The following NAV1 variants were observed in gnomAD, a reference collection of about 807,000 sequenced individuals.
NAV1 encodes neuron navigator 1.
In NAV1, 18 loss-of-function variants were observed where a neutral mutation model predicts 175.2. The ratio of observed to expected loss-of-function variants is 0.10; its 90% CI spans 0.07 to 0.15. The LOEUF is 0.15. Among genes scored for constraint, NAV1 ranks in the 10% least tolerant of loss-of-function variants. NAV1 has a pLI of 1.00. For synonymous variants in NAV1, 897 were observed against 978.7 expected, an observed-to-expected ratio of 0.92 and a Z score of 1.56; for missense variants, 1,731 against 2,436.6, an observed-to-expected ratio of 0.71 and a Z score of 6.10.
intron 1 of NAV1, among the ~76,000 whole-genome samples, chr1:201,675,840 C>T (rs1460338544): frequency 2.0e-5 from 3 of 152,310 alleles, no homozygotes; most frequent in Admixed American, 1.3e-4. Flanking sequence ...GGATGGCAGA[C>T]GGGGAGCCTC....
At chr1:201,745,932 A>G (rs1200883664) in intron 3 of NAV1, among the ~76,000 whole-genome samples, 1 of 151,960 alleles carries the variant, frequency 6.6e-6, no homozygotes, top group African/African-American at 2.4e-5. Flanking sequence ...TCCCAGCCTC[A>G]AGCAATCCTC....
rs1188083696 is a variant in NAV1 at position 201,783,623 on chromosome 1, G to A, written c.2575G>A (p.Gly859Ser). Residue 859 changes from glycine (G) to serine (S), a missense_variant, in exon 7 of 30, where the codon GGC becomes AGC. This residue lies in a region of NAV1 where 634 missense variants were observed against 766.8 expected (regional missense o/e 0.83). Coordinates refer to ENST00000367296, the Ensembl canonical transcript of NAV1. ...TATTAACTCAGCCAGCTTCTCCCAG[G>A]GCCTGGAGCTAATGAGTGGTTTCAG... 13 of 1,613,976 alleles carry A rather than the reference G, an allele frequency of 8.1e-6. No homozygotes were observed. The Admixed American group carries it at 8.3e-5, about 10-fold the overall frequency.
intron 3 of NAV1, among the ~76,000 whole-genome samples, chr1:201,769,013 C>T (rs1287264941): frequency 6.6e-6 from 1 of 152,172 alleles, no homozygotes; most frequent in Non-Finnish European, 1.5e-5. Flanking sequence ...TAAGGTTAGC[C>T]TCTTCAAGAG....
At chr1:201,561,391 G>A (rs1211596259) in intron 1 of NAV1, among the ~76,000 whole-genome samples, 1 of 152,216 alleles carries the variant, frequency 6.6e-6, no homozygotes, top group Non-Finnish European at 1.5e-5. Context: ...CGCAAAAACA[G>A]GATGTGGGAG....
At chr1:201,691,350 A>G (rs1057151035) in intron 1 of NAV1, among the ~76,000 whole-genome samples, 1 of 152,262 alleles carries the variant, frequency 6.6e-6, no homozygotes, top group African/African-American at 2.4e-5. Context: ...TGGAAGGACC[A>G]GAGAAGCCTC....
intron 3 of NAV1, among the ~76,000 whole-genome samples, chr1:201,774,400 TA>T (rs1284982814): frequency 1.3e-5 from 2 of 152,192 alleles, no homozygotes; most frequent in Admixed American, 1.3e-4. Flanking sequence ...CAAACTCTTC[TA>T]AAGACATTCT....
chr1:201,797,041 T>A (rs1677495785), intron 15 of NAV1: 1 of 152,200 alleles, frequency 6.6e-6, no homozygotes, highest in African/African-American at 2.4e-5. Context: ...GTGCTTTAGG[T>A]GCTGTATCTA....
upstream of NAV1, among the ~76,000 whole-genome samples, chr1:201,644,448 A>G (rs569674056): frequency 6.6e-6 from 1 of 152,324 alleles, no homozygotes; most frequent in East Asian, 1.9e-4. Flanking sequence ...ATGTGAAAAG[A>G]ATCAAAAAAG....
chr1:201,634,640 G>A (rs979387397), intron 2 of NAV1, among the ~76,000 whole-genome samples: 11 of 152,220 alleles, frequency 7.2e-5, no homozygotes, highest in African/African-American at 2.7e-4. Flanking sequence ...GAGGAGTACA[G>A]GAGGAGGGAG....
At chr1:201,624,775 A>G (rs1275655239) in intron 1 of NAV1, among the ~76,000 whole-genome samples, 1 of 152,202 alleles carries the variant, frequency 6.6e-6, no homozygotes, top group African/African-American at 2.4e-5. Context: ...CTTCCTGACT[A>G]AACTAACTTC....
At chr1:201,619,210 TTAGCAAGCGA>T (rs1668086482), upstream of NAV1, among the ~76,000 whole-genome samples, 2 of 152,240 alleles carry the variant, frequency 1.3e-5, no homozygotes, top group Non-Finnish European at 2.9e-5. Flanking sequence ...GTCTGCTCCA[TTAGCAAGCGA>T]GGGAGACGCA....
chr1:201,737,758 G>A (rs1358469964), intron 3 of NAV1, among the ~76,000 whole-genome samples: 1 of 152,146 alleles, frequency 6.6e-6, no homozygotes, highest in Non-Finnish European at 1.5e-5. Flanking sequence ...AACCACAAAG[G>A]AGGAAACCTT....
At chr1:201,686,245 A>T (rs368541656) in intron 1 of NAV1, among the ~76,000 whole-genome samples, 1 of 48,798 alleles carries the variant, frequency 2.0e-5, no homozygotes, top group Non-Finnish European at 4.1e-5. Context: ...TCAATCCCCC[A>T]TACTCACTCC....
At chr1:201,790,614 C>T (rs773408805) in intron 12 of NAV1, 37 bp downstream of exon 16, 4 of 1,614,002 alleles carry the variant, frequency 2.5e-6, no homozygotes, top group Non-Finnish European at 3.4e-6. Context: ...TTGTTAACAT[C>T]ACTGCACCTC....
At chr1:201,792,620 G>A (rs1043886791) in intron 13 of NAV1, 3 of 152,286 alleles carry the variant, frequency 2.0e-5, no homozygotes, top group Admixed American at 1.3e-4. Context: ...CAGACATGCA[G>A]GATGTAGAGA....
intron 7 of NAV1, among the ~76,000 whole-genome samples, chr1:201,784,226 T>C (rs1017554908): frequency 1.3e-5 from 2 of 152,182 alleles, no homozygotes; most frequent in Non-Finnish European, 2.9e-5. Flanking sequence ...GGTGCAGTCT[T>C]GGCTCACTGC....
chr1:201,714,214 T>TCA (rs1237584082), intron 2 of NAV1, among the ~76,000 whole-genome samples: 1 of 152,182 alleles, frequency 6.6e-6, no homozygotes, highest in African/African-American at 2.4e-5. Context: ...CCCGGCCAAC[T>TCA]CACTACCTTT....
chr1:201,577,563 T>G (rs1288545286), intron 1 of NAV1, among the ~76,000 whole-genome samples: 1 of 151,564 alleles, frequency 6.6e-6, no homozygotes, highest in Non-Finnish European at 1.5e-5. Context: ...ATTAAATTAC[T>G]TTTGCACCTT....
chr1:201,778,939 T>C (rs1299901559), intron 3 of NAV1, among the ~76,000 whole-genome samples: 2 of 152,280 alleles, frequency 1.3e-5, no homozygotes, highest in Non-Finnish European at 2.9e-5. Flanking sequence ...TATGCAATGC[T>C]GATAAACAAA....
Sources: allele counts gnomAD v4.1 joint callset (sites outside exome capture counted in the v4.1 genomes callset), GRCh38; gene constraint gnomAD v4.1.1; regional missense constraint gnomAD v4.1.1; transcripts MANE v1.5; gene names NCBI Gene and HGNC (gene_info 2026-07-23, HGNC 2026-07-21).